The following ASIC4 variants were observed in gnomAD, a reference collection of about 807,000 sequenced individuals.
The protein encoded by ASIC4 is acid-sensing ion channel 4.
In ASIC4, 28 loss-of-function variants were observed where a neutral mutation model predicts 53.4. That is an observed-to-expected ratio of 0.52 (90% CI 0.39 to 0.72). ASIC4 has a LOEUF of 0.72. Among genes scored for constraint, ASIC4 ranks in the 30% least tolerant of loss-of-function variants. The probability of loss-of-function intolerance (pLI) is 0.00; values close to 1 mark genes in which losing one functional copy is unlikely to be tolerated. For synonymous variants in ASIC4, 289 were observed against 301.4 expected (o/e 0.96, Z 0.43); for missense variants, 649 against 729.7 (o/e 0.89, Z 1.27).
intron 1 of ASIC4, among the ~76,000 whole-genome samples, chr2:219,520,385 C>T (rs1016132564): frequency 7.2e-5 from 11 of 152,140 alleles, no homozygotes; most frequent in African/African-American, 2.7e-4. Flanking sequence ...TCTGGCTGTC[C>T]CAGGACCCAG....
upstream of ASIC4, among the ~76,000 whole-genome samples, chr2:219,510,672 G>A (rs1046275598): frequency 5.3e-5 from 8 of 152,272 alleles, no homozygotes; most frequent in Admixed American, 2.6e-4. This position sits in a 1 kb window ranked among gnomAD's most constrained non-coding sequence, Gnocchi z 5.2. Flanking sequence ...GGGAGTACCC[G>A]AAAGGAGATG....
upstream of ASIC4, among the ~76,000 whole-genome samples, chr2:219,510,462 C>T (rs949281599): frequency 5.9e-5 from 9 of 152,190 alleles, no homozygotes; most frequent in African/African-American, 2.2e-4. This position sits in a 1 kb window ranked among gnomAD's most constrained non-coding sequence, Gnocchi z 5.2. Context: ...AGGTTGTCGG[C>T]TGCACACCCA....
chr2:219,510,634 T>C (rs1379131114), upstream of ASIC4, among the ~76,000 whole-genome samples: 4 of 152,212 alleles, frequency 2.6e-5, no homozygotes, highest in African/African-American at 9.6e-5. The surrounding 1 kb of genome is among the most constrained non-coding windows in gnomAD (Gnocchi z 5.2). Context: ...GGTGTCCTTA[T>C]AGTCCCAGGG....
chr2:219,531,799 C>G lies in ASIC4; in HGVS notation c.624C>G (p.Asp208Glu), dbSNP rs763821362. ...RYGKCYTFNA[D>E]PRSSLPSRAG... The stretch of plus-strand genomic sequence containing the variant: ...GGAAGTGTTACACCTTCAACGCGGA[C>G]CCGCGGAGCTCGCTGCCCAGCCGGG... Residue 208 changes from aspartate (D) to glutamate (E), a missense_variant, in exon 2 of 10, where the codon GAC (aspartate) becomes GAG (glutamate). Asp to Glu is a conservative substitution (Grantham distance 45). Transcript: ENST00000358078. The G allele has an allele frequency of 1.2e-6, 2 of 1,612,986 alleles. No individual in the cohort carries two copies. Among genetic ancestry groups the G allele is most frequent in the Non-Finnish European group, 1.7e-6 (2 of 1,179,552 alleles).
At chr2:219,521,723 GAGTTATA>G (rs960699754) in intron 1 of ASIC4, among the ~76,000 whole-genome samples, 12 of 42,258 alleles carry the variant, frequency 2.8e-4, no homozygotes, top group East Asian at 1.5e-3. Context: ...GGCTGCCTCT[GAGTTATA>G]AGTTATAAGT....
chr2:219,521,035 T>G (rs13425941), intron 1 of ASIC4, among the ~76,000 whole-genome samples: 3 of 152,204 alleles, frequency 2.0e-5, no homozygotes, highest in African/African-American at 7.2e-5. Flanking sequence ...CAGAACCAGG[T>G]GCACCCACCC....
chr2:219,507,511 G>A, the ASIC4 span, among the ~76,000 whole-genome samples: 2 of 152,204 alleles, frequency 1.3e-5, no homozygotes, highest in African/African-American at 2.4e-5. Context: ...GGCTGGGTGG[G>A]CCTGAGCTGG....
chr2:219,510,085 G>A (rs546696545), upstream of ASIC4, among the ~76,000 whole-genome samples: 34 of 151,958 alleles, frequency 2.2e-4, no homozygotes, highest in Non-Finnish European at 4.4e-4. The surrounding 1 kb of genome is among the most constrained non-coding windows in gnomAD (Gnocchi z 5.2). Context: ...TCCTCTCCCC[G>A]TCGATGACCA....
upstream of ASIC4, among the ~76,000 whole-genome samples, chr2:219,510,953 C>A (rs1044238276): frequency 6.6e-6 from 1 of 152,120 alleles, no homozygotes; most frequent in Non-Finnish European, 1.5e-5. This position sits in a 1 kb window ranked among gnomAD's most constrained non-coding sequence, Gnocchi z 5.2. Context: ...CTGCACAGCC[C>A]GTTTGTCACC....
the ASIC4 span, among the ~76,000 whole-genome samples, chr2:219,507,814 C>T: frequency 6.6e-6 from 1 of 152,070 alleles, no homozygotes; most frequent in East Asian, 1.9e-4. Context: ...GGAGGGGGTC[C>T]TGGCAGCAGG....
chr2:219,514,648 T>C lies in ASIC4; in HGVS notation c.-77T>C, dbSNP rs1559452473. 6 of 1,612,630 alleles carry C rather than the reference T, an allele frequency of 3.7e-6. No homozygotes were observed. Among genetic ancestry groups the C allele is most frequent in the Non-Finnish European group, 4.2e-6 (5 of 1,179,486 alleles). Reference sequence around the variant, plus strand: ...GAGCAGCCGCTGCCACCACTGCCACTCGGGAGGGCACCAGGGCTGCTGGCT... The same window carrying C: ...GAGCAGCCGCTGCCACCACTGCCACCCGGGAGGGCACCAGGGCTGCTGGCT... On this transcript the variant is annotated 5_prime_UTR_variant, in exon 1 of 10. Coordinates refer to ENST00000358078, the MANE Select transcript of ASIC4 (RefSeq NM_018674.6).
chr2:219,522,820 A>AGGAGCCG (rs1258271324), intron 1 of ASIC4, among the ~76,000 whole-genome samples: 5 of 152,074 alleles, frequency 3.3e-5, no homozygotes, highest in Middle Eastern at 3.4e-3. Flanking sequence ...CACTTTGCCG[A>AGGAGCCG]GGAGCCGGGA....
rs1695071966 is a variant in ASIC4 at position 219,533,148 on chromosome 2, G to C, written c.1075+209G>C. 3 of 613,974 alleles carry C rather than the reference G, an allele frequency of 4.9e-6. No individual in the cohort carries two copies. In the South Asian group the frequency reaches 5.7e-5, roughly 12 times the overall value. 38.0% of individuals were successfully genotyped at this position (613,974 alleles called of 1,614,324 possible). A position where few individuals can be genotyped will look rare whatever the true frequency, so the allele number is the denominator to read the frequency against. On this transcript the variant is annotated intron_variant, in intron 5 of 9. Coordinates refer to ENST00000358078, the MANE Select transcript of ASIC4 (RefSeq NM_018674.6). ...CACTTGGGTAAGTGGAGGCAGCAGG[G>C]TGGGGGGTTGCAGAGAAGCCAGGAC...
At position 219,538,074 on chromosome 2, in the gene ASIC4, G is replaced by A. The variant is rs769840613; in HGVS notation, c.*28G>A. On this transcript the variant is annotated 3_prime_UTR_variant, in exon 10 of 10. Coordinates refer to ENST00000358078, the MANE Select transcript of ASIC4 (RefSeq NM_018674.6). Reference sequence around the variant, plus strand: ...CGGTGCTGTGACTGAAAGGACCCAGGAGTCTGGGACCCCTCCTGGGATCCC... The same window carrying A: ...CGGTGCTGTGACTGAAAGGACCCAGAAGTCTGGGACCCCTCCTGGGATCCC... 2 of 1,572,236 alleles carry A rather than the reference G, an allele frequency of 1.3e-6. No individual in the cohort carries two copies. Among genetic ancestry groups the A allele is most frequent in the East Asian group, 2.3e-5 (1 of 44,332 alleles).
chr2:219,527,656 G>A (rs1368285197), intron 1 of ASIC4, among the ~76,000 whole-genome samples: 2 of 152,300 alleles, frequency 1.3e-5, no homozygotes, highest in East Asian at 3.9e-4. Context: ...TATTTGCTGT[G>A]TGCCCTTAGC....
At chr2:219,533,001 C>A in intron 5 of ASIC4, 62 bp downstream of exon 5, 1 of 1,517,880 alleles carries the variant, frequency 6.6e-7, no homozygotes, top group Non-Finnish European at 9.1e-7. Context: ...GTCCACTCTT[C>A]TCCTCACTGT....
At chr2:219,524,416 C>G (rs1224842588) in intron 1 of ASIC4, among the ~76,000 whole-genome samples, 1 of 152,254 alleles carries the variant, frequency 6.6e-6, no homozygotes, top group Non-Finnish European at 1.5e-5. Flanking sequence ...CTTATCCTCT[C>G]TGTACCTCCG....
chr2:219,508,726 A>G, the ASIC4 span, among the ~76,000 whole-genome samples: 1 of 137,068 alleles, frequency 7.3e-6, no homozygotes, highest in Non-Finnish European at 1.5e-5. Flanking sequence ...CCCAACCATC[A>G]TTGGCTGTTT....
chr2:219,514,832 A>T lies in ASIC4; in HGVS notation c.108A>T (p.Gly36=). 6.2e-7 allele frequency: 1 copy of T among 1,613,082 alleles called. No homozygotes were observed. The highest frequency in any genetic ancestry group is 1.3e-5 in the African/African-American group (1 of 74,932). The change falls in exon 1 of 10, where the codon GGA becomes GGT. Residue 36 remains glycine (G), a synonymous_variant. Transcript: ENST00000358078. ...GCCTCCTCGGGGCTGTTGCCCCTGG[A>T]GCAGCCCCCCGAGACCTGGCCACCT... The part of the protein sequence containing the change: ...EQSLLGAVAP[G]AAPRDLATFA...
Sources: allele counts gnomAD v4.1 joint callset (sites outside exome capture counted in the v4.1 genomes callset), GRCh38; gene constraint gnomAD v4.1.1; non-coding constraint Gnocchi (gnomAD v3.1); transcripts MANE v1.5; gene names NCBI Gene and HGNC (gene_info 2026-07-23, HGNC 2026-07-21).